TLN1: variants seen among roughly 807,000 people sequenced by gnomAD.
The protein encoded by TLN1 is talin 1, also known as talin-1.
TLN1 carries 56 observed loss-of-function variants against 292.3 expected under a neutral mutation model. The ratio of observed to expected loss-of-function variants is 0.19; its 90% confidence interval spans 0.15 to 0.24. The LOEUF (loss-of-function observed/expected upper bound fraction) is 0.24. Ranked by LOEUF, TLN1 falls within the 10% of genes least tolerant of loss-of-function variation. TLN1 has a pLI of 1.00. For missense variants in TLN1, 2,433 were observed against 3,248.2 expected (o/e 0.75, Z 6.10); for synonymous variants, 1,119 against 1,253.7 (o/e 0.89, Z 2.27).
chr9:35,720,630 T>A, intron 11 of TLN1, 121 bp from the exon 12 acceptor site: 3 of 207,932 alleles, frequency 1.4e-5, no homozygotes, highest in Non-Finnish European at 2.4e-5. Flanking sequence ...TTTCTTTTTC[T>A]TTTTTTTTTT....
Position 35,724,450 on chromosome 9 carries a change from A to G in TLN1, c.512-116T>C. ...ACTTAAATGTAAGTCCCATGAGTGTAGGACTTTGTTTTCTCACTGATGTAT... is the reference window on the plus strand; with the variant it reads ...ACTTAAATGTAAGTCCCATGAGTGTGGGACTTTGTTTTCTCACTGATGTAT... On this transcript the variant is annotated intron_variant, in intron 5 of 56. Coordinates refer to ENST00000314888, the MANE Select transcript of TLN1 (RefSeq NM_006289.4). This position sits in a 1 kb window ranked among gnomAD's most constrained non-coding sequence, Gnocchi z 4.7. 1 of 1,558,188 alleles carries G rather than the reference A, an allele frequency of 6.4e-7. No homozygotes were observed.
At chr9:35,715,537 G>A (rs191473919) in intron 20 of TLN1, among the ~76,000 whole-genome samples, 1 of 152,338 alleles carries the variant, frequency 6.6e-6, no homozygotes, top group East Asian at 1.9e-4. Context: ...CAGGGGACCT[G>A]CTTACTCCTG....
At chr9:35,715,390 C>A (rs1825759233) in intron 20 of TLN1, among the ~76,000 whole-genome samples, 1 of 152,274 alleles carries the variant, frequency 6.6e-6, no homozygotes. Context: ...AGGATTCCCA[C>A]TGGATGCTGA....
Position 35,699,413 on chromosome 9 carries a change from A to C in TLN1, c.6817T>G (p.Ser2273Ala), listed in dbSNP as rs1200443234. The C allele has an allele frequency of 6.2e-7, 1 of 1,614,036 alleles. No individual in the cohort carries two copies. Among genetic ancestry groups the C allele is most frequent in the Admixed American group, 1.7e-5 (1 of 60,004 alleles). ...GTGACGGAACCAGCCACACGCTTTG[A>C]ATGTCCTGTCAACTGCTGCTTCAGT... is the stretch of plus-strand genomic sequence containing the variant. ...PELKQQLTGH[S>A]KRVAGSVTEL... The change falls in exon 51 of 57, where the codon TCA (serine) becomes GCA (alanine). Residue 2273 changes from serine to alanine, a missense_variant. Ser to Ala is a moderately conservative substitution (Grantham distance 99). Coordinates refer to ENST00000314888, the MANE Select transcript of TLN1 (RefSeq NM_006289.4). The surrounding 1 kb of genome is among the most constrained non-coding windows in gnomAD (Gnocchi z 4.0).
At chr9:35,729,591 G>A (rs1331336188) in intron 1 of TLN1, among the ~76,000 whole-genome samples, 1 of 152,196 alleles carries the variant, frequency 6.6e-6, no homozygotes, top group East Asian at 1.9e-4. Flanking sequence ...TTAGTTAGAA[G>A]GACACTGTAT....
chr9:35,713,529 C>G (rs1825715728), intron 25 of TLN1, among the ~76,000 whole-genome samples: 1 of 151,826 alleles, frequency 6.6e-6, no homozygotes, highest in Non-Finnish European at 1.5e-5. Flanking sequence ...ACTAAAAATA[C>G]AAAAATTAGC....
chr9:35,727,793 A>G (rs1365266880), intron 1 of TLN1, among the ~76,000 whole-genome samples: 1 of 151,716 alleles, frequency 6.6e-6, no homozygotes, highest in Non-Finnish European at 1.5e-5. Context: ...ACACTTAGAC[A>G]CCCCCTTCCT....
intron 33 of TLN1, among the ~76,000 whole-genome samples, chr9:35,709,316 C>CA (rs964079800): frequency 4.9e-4 from 72 of 146,874 alleles, no homozygotes; most frequent in African/African-American, 1.9e-3. Flanking sequence ...AACAAAAAAC[C>CA]AAAAAAACAA....
chr9:35,727,232 C>A (rs1825993926), intron 1 of TLN1, among the ~76,000 whole-genome samples: 2 of 152,236 alleles, frequency 1.3e-5, no homozygotes, highest in South Asian at 4.1e-4. Context: ...AACTACAAGC[C>A]TCAAATGGGG....
chr9:35,714,837 T>C lies in TLN1; in HGVS notation c.2794A>G (p.Ile932Val). The change falls in exon 22 of 57, where the codon ATC becomes GTC. Residue 932 changes from isoleucine (I) to valine (V), a missense_variant. Around this residue, in one of 7 missense-constraint regions of TLN1, gnomAD observed 617 missense variants for 770.6 expected, o/e 0.80. Transcript: ENST00000314888. The surrounding 1 kb of genome is among the most constrained non-coding windows in gnomAD (Gnocchi z 4.6). ...GAGGCTGCGTGCTGAGCTGCAGCGA[T>C]GGTCTGTGTGGCTGAGGCTGCAGCC... ...KQAAASATQT[I>V]AAAQHAASTP... The C allele has an allele frequency of 6.4e-7, 1 of 1,571,552 alleles. No individual in the cohort carries two copies. The highest frequency in any genetic ancestry group is 1.4e-5 in the African/African-American group (1 of 74,060).
In TLN1 at chr9:35,706,267, G is replaced by C. The variant is rs1825563767; in HGVS notation, c.5290C>G (p.Gln1764Glu). ...GCAGACTCTGCCAATGTTTTAGTCT[G>C]GTCCAGGAGTGCCATCTGCTGCGGG... Reference protein sequence around the residue: ...SHPQQMALLDQTKTLAESALQ... With the variant: ...SHPQQMALLDETKTLAESALQ... Residue 1764 changes from glutamine to glutamate, a missense_variant, in exon 40 of 57, where the codon CAG becomes GAG. By Grantham distance (29) the Gln-to-Glu change is conservative. Coordinates refer to ENST00000314888, the MANE Select transcript of TLN1 (RefSeq NM_006289.4). The surrounding 1 kb of genome is among the most constrained non-coding windows in gnomAD (Gnocchi z 4.2). The C allele has an allele frequency of 6.2e-7, 1 of 1,613,678 alleles. No individual in the cohort carries two copies.
chr9:35,717,279 G>T lies in TLN1; in HGVS notation c.2325C>A (p.Thr775=), dbSNP rs1359565866. 6.2e-7 allele frequency: 1 copy of T among 1,614,206 alleles called. No homozygotes were observed. Among genetic ancestry groups the T allele is most frequent in the Non-Finnish European group, 8.5e-7 (1 of 1,180,044 alleles). The change falls in exon 19 of 57, where the codon ACC becomes ACA. Residue 775 remains threonine, a synonymous_variant. Coordinates refer to ENST00000314888, the MANE Select transcript of TLN1 (RefSeq NM_006289.4). The surrounding 1 kb of genome is among the most constrained non-coding windows in gnomAD (Gnocchi z 4.7). ...GCTGCAGCAGCTCATTTAGGGCCTGGGTGACAGCTGTGGCTGCTGCTCCTA... is the reference window on the plus strand; with the variant it reads ...GCTGCAGCAGCTCATTTAGGGCCTGTGTGACAGCTGTGGCTGCTGCTCCTA... ...RGVGAAATAV[T]QALNELLQHV... is the part of the protein sequence containing the mutation.
intron 1 of TLN1, 30 bp from the exon 2 acceptor site, chr9:35,725,757 C>T (rs1452511207): frequency 5.7e-6 from 9 of 1,591,568 alleles, no homozygotes; most frequent in Non-Finnish European, 7.7e-6. Context: ...CATTAGAATA[C>T]ACTCTTCTGG....
At position 35,707,237 on chromosome 9, in the gene TLN1, T is replaced by C; in HGVS notation, c.4790A>G (p.Glu1597Gly). The C allele has an allele frequency of 6.2e-7, 1 of 1,603,546 alleles. No individual in the cohort carries two copies. Among genetic ancestry groups the C allele is most frequent in the Non-Finnish European group, 8.5e-7 (1 of 1,172,980 alleles). ...QISPEGRAAM[E>G]PIVISAKTML... ...TGTCTTGGCAGAGATCACAATGGGC[T>C]CCATGGCAGCCCGACCCTGGGGAGA... The change falls in exon 37 of 57, where the codon GAG (glutamate) becomes GGG (glycine). Residue 1597 changes from glutamate to glycine, a missense_variant. Transcript: ENST00000314888. The surrounding 1 kb of genome is among the most constrained non-coding windows in gnomAD (Gnocchi z 5.6).
chr9:35,697,980 G>A (rs945710406), intron 56 of TLN1, 64 bp from the exon 57 acceptor site: 44 of 1,613,750 alleles, frequency 2.7e-5, no homozygotes, highest in Non-Finnish European at 3.6e-5. Flanking sequence ...GGGTAGTTGG[G>A]ACCAGCGCAG....
In TLN1 at chr9:35,719,486, C is replaced by T; in HGVS notation, c.1687+33G>A. 6.3e-7 allele frequency: 1 copy of T among 1,583,420 alleles called. No homozygotes were observed. Among genetic ancestry groups the T allele is most frequent in the Non-Finnish European group, 8.7e-7 (1 of 1,152,726 alleles). On this transcript the variant is annotated intron_variant, in intron 15 of 56. Coordinates refer to ENST00000314888, the MANE Select transcript of TLN1 (RefSeq NM_006289.4). The surrounding 1 kb of genome is among the most constrained non-coding windows in gnomAD (Gnocchi z 4.6). ...TGTGCACACTTGCACCCCCTCTCCC[C>T]ATCACACACCCGGAAGCTAGCATCC...
chr9:35,707,592 G>A lies in TLN1; in HGVS notation c.4633-104C>T. 3.8e-6 allele frequency: 6 copies of A among 1,573,726 alleles called. No homozygotes were observed. The highest frequency in any genetic ancestry group is 1.3e-5 in the African/African-American group (1 of 74,108). Reference sequence around the variant, plus strand: ...TGGGACTTACAGGATTTGGGGAGAGGCTAGGTGGTCAGTCTGAATAGAAAG... The same window carrying A: ...TGGGACTTACAGGATTTGGGGAGAGACTAGGTGGTCAGTCTGAATAGAAAG... On this transcript the variant is annotated intron_variant, in intron 35 of 56. Coordinates refer to ENST00000314888, the MANE Select transcript of TLN1 (RefSeq NM_006289.4). The surrounding 1 kb of genome is among the most constrained non-coding windows in gnomAD (Gnocchi z 5.6).
chr9:35,720,569 A>C, intron 11 of TLN1, 60 bp from the exon 12 acceptor site: 2 of 1,529,070 alleles, frequency 1.3e-6, no homozygotes, highest in Non-Finnish European at 1.8e-6. Flanking sequence ...AGTGGAGAAA[A>C]GGCAGCCTCT....
At position 35,711,836 on chromosome 9, in the gene TLN1, T is replaced by C. The variant is rs200291356; in HGVS notation, c.3682-44A>G. 2.2e-5 allele frequency: 35 copies of C among 1,611,730 alleles called. No homozygotes were observed. In the African/African-American group the frequency reaches 3.7e-4, roughly 17 times the overall value. On this transcript the variant is annotated intron_variant, in intron 28 of 56. Transcript: ENST00000314888. ...AGTCAGACAGAAGAGTGGGGAATGA[T>C]GCAGGGAGAAGTCTGGTAAAGGAGG...
Sources: allele counts gnomAD v4.1 joint callset (sites outside exome capture counted in the v4.1 genomes callset), GRCh38; gene constraint gnomAD v4.1.1; regional missense constraint gnomAD v4.1.1; non-coding constraint Gnocchi (gnomAD v3.1); transcripts MANE v1.5; gene names NCBI Gene and HGNC (gene_info 2026-07-23, HGNC 2026-07-21).